The following DOCK1 variants were observed in gnomAD, a reference collection of about 807,000 sequenced individuals.
The protein encoded by DOCK1 is dedicator of cytokinesis protein 1.
A neutral mutation model predicts 262.7 loss-of-function variants in DOCK1; 138 were observed. That is an observed-to-expected ratio of 0.53 (90% confidence interval 0.46 to 0.61). The LOEUF (loss-of-function observed/expected upper bound fraction) is 0.61, where lower values mean the gene tolerates loss of function less well. DOCK1 is among the 20% of genes least tolerant of loss of function. The pLI is 0.00. For missense variants in DOCK1, 1,908 were observed against 2,370.7 expected, an observed-to-expected ratio of 0.80 and a Z score of 4.05; for synonymous variants, 866 against 867.4, an observed-to-expected ratio of 1.00 and a Z score of 0.03.
intron 29 of DOCK1, among the ~76,000 whole-genome samples, chr10:127,315,076 C>T (rs959558853): frequency 6.6e-6 from 1 of 152,132 alleles, no homozygotes; most frequent in Non-Finnish European, 1.5e-5. Flanking sequence ...TGGGAGGCTC[C>T]TCGTCATAGG....
chr10:127,278,224 T>C (rs2060815833), intron 29 of DOCK1, among the ~76,000 whole-genome samples: 1 of 152,126 alleles, frequency 6.6e-6, no homozygotes, highest in Non-Finnish European at 1.5e-5. Flanking sequence ...GTCCCTTGAG[T>C]CACTGTAGTT....
chr10:127,336,208 G>A (rs552082751), intron 29 of DOCK1, among the ~76,000 whole-genome samples: 1 of 152,248 alleles, frequency 6.6e-6, no homozygotes, highest in Admixed American at 6.5e-5. Flanking sequence ...CCGGGGCATA[G>A]CTGTGTTTCC....
chr10:127,361,403 C>A (rs886085264), intron 32 of DOCK1, among the ~76,000 whole-genome samples: 2 of 152,128 alleles, frequency 1.3e-5, no homozygotes, highest in East Asian at 1.9e-4. Context: ...CGTGAGCCAC[C>A]ACACCCGGCC....
At chr10:127,430,401 A>G (rs2069199274) in intron 47 of DOCK1, among the ~76,000 whole-genome samples, 1 of 152,156 alleles carries the variant, frequency 6.6e-6, no homozygotes. Flanking sequence ...ATTTAGCTTC[A>G]CCTATTCCTT....
chr10:127,226,289 C>T (rs2058635990), intron 27 of DOCK1, among the ~76,000 whole-genome samples: 1 of 152,104 alleles, frequency 6.6e-6, no homozygotes, highest in Non-Finnish European at 1.5e-5. Flanking sequence ...TAGCTCTACC[C>T]TACCCTATCT....
At chr10:126,919,467 C>T (rs1305694133) in intron 1 of DOCK1, among the ~76,000 whole-genome samples, 4 of 152,016 alleles carry the variant, frequency 2.6e-5, no homozygotes, top group East Asian at 1.9e-4. Flanking sequence ...CTCCAGGCAC[C>T]GTGGCCAAGT....
At chr10:127,311,951 G>A (rs376891651) in intron 29 of DOCK1, among the ~76,000 whole-genome samples, 30 of 151,942 alleles carry the variant, frequency 2.0e-4, no homozygotes, top group African/African-American at 6.8e-4. Flanking sequence ...TGCAACCTCC[G>A]TCTCCTGAGT....
chr10:127,051,626 A>G (rs1462876182), intron 21 of DOCK1, among the ~76,000 whole-genome samples: 2 of 152,172 alleles, frequency 1.3e-5, no homozygotes, highest in African/African-American at 2.4e-5. Flanking sequence ...CTTGTCGTCC[A>G]TGCTGGAGTG....
intron 37 of DOCK1, among the ~76,000 whole-genome samples, chr10:127,383,351 T>A (rs1282912159): frequency 6.6e-6 from 1 of 152,256 alleles, no homozygotes; most frequent in Non-Finnish European, 1.5e-5. Context: ...TGAACTTGCT[T>A]GTTCTTAATT....
At chr10:127,114,121 TCTTA>T (rs760362574) in intron 25 of DOCK1, among the ~76,000 whole-genome samples, 2 of 152,176 alleles carry the variant, frequency 1.3e-5, no homozygotes, top group Non-Finnish European at 2.9e-5. Context: ...TCATTGTATT[TCTTA>T]CTTGCTTATT....
chr10:127,329,873 A>G (rs1480867537), intron 29 of DOCK1, among the ~76,000 whole-genome samples: 1 of 152,040 alleles, frequency 6.6e-6, no homozygotes, highest in African/African-American at 2.4e-5. Flanking sequence ...ACAATCCTGA[A>G]ATTAGACTGT....
intron 29 of DOCK1, among the ~76,000 whole-genome samples, chr10:127,330,986 C>CAGTTGG (rs1425880552): frequency 1.1e-4 from 17 of 152,284 alleles, no homozygotes; most frequent in Non-Finnish European, 2.2e-4. Flanking sequence ...CTGGCCAGAG[C>CAGTTGG]CACCCTGCAG....
chr10:126,964,498 CTT>C (rs2037513146), intron 1 of DOCK1, among the ~76,000 whole-genome samples: 1 of 152,226 alleles, frequency 6.6e-6, no homozygotes, highest in African/African-American at 2.4e-5. Flanking sequence ...AGGACGTGGC[CTT>C]TGTTTTCCCC....
At chr10:126,951,119 GTAT>G (rs1216097956) in intron 1 of DOCK1, among the ~76,000 whole-genome samples, 3 of 151,874 alleles carry the variant, frequency 2.0e-5, no homozygotes, top group African/African-American at 7.3e-5. Flanking sequence ...GTTGTTGGTA[GTAT>G]TGTTGGTAGT....
In DOCK1 at chr10:127,114,673, G is replaced by T. The variant is rs73378444; in HGVS notation, c.2623+4319G>T. On this transcript the variant is annotated intron_variant, in intron 25 of 51. Coordinates refer to ENST00000623213, the MANE Select transcript of DOCK1 (RefSeq NM_001290223.2). Reference sequence around the variant, plus strand: ...ACTATGGAAAATTTCAAATATACAGGAGGGCAGAGAGAAGAGAGTAATGCA... The same window carrying T: ...ACTATGGAAAATTTCAAATATACAGTAGGGCAGAGAGAAGAGAGTAATGCA... Among the ~76,000 whole-genome samples the T allele has an allele frequency of 9.4e-3, 1,427 of 152,062 alleles. 20 individuals carry two copies. Among genetic ancestry groups the T allele is most frequent in the African/African-American group, 0.032 (1,335 of 41,462 alleles).
At position 127,002,139 on chromosome 10, in the gene DOCK1, T is replaced by A. The variant is rs2040639702; in HGVS notation, c.985+1832T>A. ...AATGCCTTTCATTTTCCAGGATTGT[T>A]TTTTTTCTTTTCCACCTTGATGGTA... On this transcript the variant is annotated intron_variant, in intron 10 of 51. Coordinates refer to ENST00000623213, the MANE Select transcript of DOCK1 (RefSeq NM_001290223.2). Among the ~76,000 whole-genome samples the A allele has an allele frequency of 2.0e-5, 3 of 152,242 alleles. No individual in the cohort carries two copies. In the South Asian group the frequency reaches 6.2e-4, roughly 32 times the overall value.
At chr10:126,932,187 T>C (rs2034237528) in intron 1 of DOCK1, among the ~76,000 whole-genome samples, 1 of 152,172 alleles carries the variant, frequency 6.6e-6, no homozygotes, top group Non-Finnish European at 1.5e-5. Context: ...AGGCTAAATG[T>C]GAAGTTTAAA....
At chr10:127,023,372 C>T (rs9418698) in intron 14 of DOCK1, 48 bp downstream of exon 14, 601,358 of 1,604,148 alleles carry the variant, frequency 0.37, 114,446 homozygotes, top group African/African-American at 0.48. Context: ...GTTTTACTTG[C>T]CAAGTGCTCA....
Position 127,352,854 on chromosome 10 carries a change from A to G in DOCK1, c.3225-1815A>G, listed in dbSNP as rs559504770. On this transcript the variant is annotated intron_variant, in intron 31 of 51. Transcript: ENST00000623213. ...GTGATCCACCTGCCTCGGCCTCCCA[A>G]AGTGCTGGGATTACAGACGTGAGCC... is the stretch of plus-strand genomic sequence containing the variant. Among the ~76,000 whole-genome samples the G allele has an allele frequency of 2.6e-5, 4 of 152,214 alleles. No individual in the cohort carries two copies. The South Asian group carries it at 8.3e-4, about 32-fold the overall frequency.
Sources: gnomAD v4.1 joint callset for allele counts (sites outside exome capture counted in the v4.1 genomes callset) on GRCh38, gnomAD v4.1.1 for gene constraint, MANE v1.5 for transcripts, NCBI Gene and HGNC (gene_info 2026-07-23, HGNC 2026-07-21) for gene names.